The following USP47 variants were observed in gnomAD, a reference collection of about 807,000 sequenced individuals.
USP47 encodes ubiquitin carboxyl-terminal hydrolase 47.
A neutral mutation model predicts 165.1 loss-of-function variants in USP47; 35 were observed. The ratio of observed to expected loss-of-function variants is 0.21; its 90% CI spans 0.16 to 0.28. The LOEUF is 0.28. Among genes scored for constraint, USP47 ranks in the 10% least tolerant of loss-of-function variants. The pLI is 1.00. For synonymous variants in USP47, 531 were observed against 544.5 expected (o/e 0.98, Z 0.35); for missense variants, 1,277 against 1,607.4 (o/e 0.79, Z 3.52).
chr11:11,905,322 C>G, intron 7 of USP47, 77 bp from the exon 8 acceptor site: 1 of 1,087,770 alleles, frequency 9.2e-7, no homozygotes, highest in Non-Finnish European at 1.2e-6. Context: ...GTAAACCATT[C>G]TAAAAAGTGT....
rs78381032 is a variant in USP47, at chr11:11,934,836, A to G, written c.1869+901A>G. Among the ~76,000 whole-genome samples, 1,103 of 152,252 alleles carry G rather than the reference A, an allele frequency of 7.2e-3. 17 individuals carry two copies. Among genetic ancestry groups the G allele is most frequent in the African/African-American group, 0.025 (1,041 of 41,562 alleles). ...AACAAATATAAGTTTTCCCCTTTCC[A>G]TATAAGCAGTAACAGAATGACTGAA... On this transcript the variant is annotated intron_variant, in intron 16 of 27. Transcript: ENST00000527733.
chr11:11,924,084 A>G (rs1021555424), intron 11 of USP47, among the ~76,000 whole-genome samples: 5 of 151,930 alleles, frequency 3.3e-5, no homozygotes, highest in African/African-American at 4.8e-5. Context: ...CTTGTTTCCA[A>G]TCTTCAGAGG....
At chr11:11,867,416 A>T (rs114647392) in intron 1 of USP47, among the ~76,000 whole-genome samples, 3 of 152,020 alleles carry the variant, frequency 2.0e-5, no homozygotes, top group Admixed American at 2.0e-4. Context: ...TTACATCTCT[A>T]TGTCACTAGA....
intron 5 of USP47, among the ~76,000 whole-genome samples, chr11:11,900,154 CTTTTTTTTTTT>C (rs1042565841): frequency 2.0e-5 from 2 of 99,078 alleles, no homozygotes; most frequent in Non-Finnish European, 3.8e-5. Context: ...ATTTTCTTCA[CTTTTTTTTTTT>C]TTTTTTTTTT....
At position 11,902,724 on chromosome 11, in the gene USP47, T is replaced by C. The variant is rs774260799; in HGVS notation, c.603T>C (p.Phe201=). Residue 201 remains phenylalanine (F), a synonymous_variant, in exon 6 of 28, where the codon TTT becomes TTC. Transcript: ENST00000527733. The part of the protein sequence containing the change: ...EFRNALYKWE[F]EESEEDPVTS... ...CATTTTATTTTAATAGGTGGGAATTTGAAGAATCTGAAGAAGATCCAGTGA... is the reference window on the plus strand; with the variant it reads ...CATTTTATTTTAATAGGTGGGAATTCGAAGAATCTGAAGAAGATCCAGTGA... 2 of 1,545,876 alleles carry C rather than the reference T, an allele frequency of 1.3e-6. No individual in the cohort carries two copies. Among genetic ancestry groups the C allele is most frequent in the South Asian group, 2.7e-5 (2 of 74,084 alleles).
At chr11:11,914,922 A>G (rs773163959) in intron 8 of USP47, among the ~76,000 whole-genome samples, 3 of 152,196 alleles carry the variant, frequency 2.0e-5, no homozygotes, top group Non-Finnish European at 2.9e-5. Context: ...TGTTATGGGT[A>G]GTTTCTTATA....
At chr11:11,849,295 G>A (rs7938839) in intron 1 of USP47, among the ~76,000 whole-genome samples, 1 of 152,166 alleles carries the variant, frequency 6.6e-6, no homozygotes, top group Admixed American at 6.5e-5. Context: ...GCTTTGCTTA[G>A]TTTTCTGTAT....
At position 11,942,617 on chromosome 11, in the gene USP47, C is replaced by A; in HGVS notation, c.2596C>A (p.Gln866Lys). The A allele has an allele frequency of 5.0e-6, 8 of 1,613,460 alleles. No homozygotes were observed. The highest frequency in any genetic ancestry group is 6.8e-6 in the Non-Finnish European group (8 of 1,179,732). ...TGAAAAACTCAAAAGCTTGTCACTGCAGCAACAGCAGGATGGAGATAATGG... is the reference window on the plus strand; with the variant it reads ...TGAAAAACTCAAAAGCTTGTCACTGAAGCAACAGCAGGATGGAGATAATGG... ...STEKLKSLSL[Q>K]QQQDGDNGDS... is the part of the protein sequence containing the mutation. The change falls in exon 20 of 28, where the codon CAG becomes AAG. Residue 866 changes from glutamine to lysine, a missense_variant. Physicochemically the swap from Gln to Lys is moderately conservative, Grantham distance 53. Coordinates refer to ENST00000527733, the MANE Select transcript of USP47 (RefSeq NM_001282659.2).
Position 11,880,387 on chromosome 11 carries a change from T to C in USP47, c.243+7T>C. On this transcript the variant is annotated splice_region_variant and intron_variant, in intron 2 of 27. Transcript: ENST00000527733. ...AATCAATACTGCTGATATGGTAAAA[T>C]CCTAGACTTAAGCTTCTAAAAATGT... 7.8e-7 allele frequency: 1 copy of C among 1,284,672 alleles called. No individual in the cohort carries two copies. The highest frequency in any genetic ancestry group is 9.8e-7 in the Non-Finnish European group (1 of 1,017,188). The allele number at this position is 1,284,672 out of a possible 1,614,324, so 79.6% of individuals were successfully genotyped here. A position where few individuals can be genotyped will look rare whatever the true frequency, so the allele number is the denominator to read the frequency against.
At chr11:11,950,295 G>A (rs1856132369) in intron 23 of USP47, 69 bp from the exon 24 acceptor site, 3 of 1,089,812 alleles carry the variant, frequency 2.8e-6, no homozygotes, top group Non-Finnish European at 4.0e-6. Context: ...TTTGGTGTCA[G>A]ATTAGTGTCA....
intron 4 of USP47, among the ~76,000 whole-genome samples, chr11:11,894,862 GTAC>G (rs1851750523): frequency 6.6e-6 from 1 of 152,070 alleles, no homozygotes; most frequent in South Asian, 2.1e-4. Flanking sequence ...ATAATTTACA[GTAC>G]TACTGGCACC....
intron 1 of USP47, among the ~76,000 whole-genome samples, chr11:11,871,697 A>C (rs939396588): frequency 2.4e-4 from 36 of 151,974 alleles, no homozygotes; most frequent in African/African-American, 8.7e-4. Flanking sequence ...TGCTGTTTGC[A>C]CAGAGTGTCC....
chr11:11,930,919 C>T (rs551548877), intron 14 of USP47, among the ~76,000 whole-genome samples, 168 bp downstream of exon 14: 13 of 151,918 alleles, frequency 8.6e-5, no homozygotes, highest in Non-Finnish European at 1.9e-4. Context: ...ATGTTAAGGA[C>T]CTTGAAAAAA....
intron 12 of USP47, 33 bp from the exon 13 acceptor site, chr11:11,930,011 A>C: frequency 6.4e-7 from 1 of 1,564,720 alleles, no homozygotes; most frequent in Non-Finnish European, 8.8e-7. Flanking sequence ...GTGTTATAGA[A>C]TTTGCAAAAA....
intron 14 of USP47, among the ~76,000 whole-genome samples, chr11:11,931,743 T>G (rs1854681040): frequency 6.6e-6 from 1 of 152,020 alleles, no homozygotes; most frequent in South Asian, 2.1e-4. Flanking sequence ...ACATGCTGTT[T>G]TTGATAAAAT....
intron 2 of USP47, 29 bp downstream of exon 2, chr11:11,880,409 A>G: frequency 7.9e-7 from 1 of 1,263,556 alleles, no homozygotes; most frequent in Non-Finnish European, 1.0e-6. Flanking sequence ...GCTTCTAAAA[A>G]TGTTATTATA....
intron 8 of USP47, 90 bp from the exon 9 acceptor site, chr11:11,920,066 A>G: frequency 1.0e-6 from 1 of 976,944 alleles, no homozygotes; most frequent in Non-Finnish European, 1.4e-6. Flanking sequence ...TTCTACTTAT[A>G]ACTTTTAGTA....
chr11:11,918,714 G>A (rs1853605952), intron 8 of USP47, among the ~76,000 whole-genome samples: 1 of 151,786 alleles, frequency 6.6e-6, no homozygotes, highest in South Asian at 2.1e-4. Flanking sequence ...AAGATCTCTA[G>A]GTATTAACTA....
In USP47 at chr11:11,880,220, A is replaced by C; in HGVS notation, c.83A>C (p.Gln28Pro). 6.8e-7 allele frequency: 1 copy of C among 1,467,848 alleles called. No individual in the cohort carries two copies. Among genetic ancestry groups the C allele is most frequent in the African/African-American group, 1.5e-5 (1 of 68,374 alleles). 90.9% of individuals were successfully genotyped at this position (1,467,848 alleles called of 1,614,324 possible). A position where few individuals can be genotyped will look rare whatever the true frequency, so the allele number is the denominator to read the frequency against. The change falls in exon 2 of 28, where the codon CAA becomes CCA. Residue 28 changes from glutamine to proline, a missense_variant. Coordinates refer to ENST00000527733, the MANE Select transcript of USP47 (RefSeq NM_001282659.2). ...GAACCTAGAGTCTTATGTATTATAC[A>C]AGATACTACTAATTCAAAGACAGTG... ...AEEPRVLCII[Q>P]DTTNSKTVNE... is the part of the protein sequence containing the mutation.
Sources: gnomAD v4.1 joint callset for allele counts (sites outside exome capture counted in the v4.1 genomes callset) on GRCh38, gnomAD v4.1.1 for gene constraint, MANE v1.5 for transcripts, NCBI Gene and HGNC (gene_info 2026-07-23, HGNC 2026-07-21) for gene names.